Variants in ICOS observed in about 807,000 individuals in gnomAD.
The protein encoded by ICOS is inducible T-cell costimulator.
ICOS carries 15 observed loss-of-function variants against 24.6 expected under a neutral mutation model. The ratio of observed to expected loss-of-function variants is 0.61; its 90% CI spans 0.41 to 0.94. The LOEUF is 0.94. Among genes scored for constraint, ICOS ranks in the 40% least tolerant of loss-of-function variants. The probability of loss-of-function intolerance (pLI) is 0.00; values close to 1 mark genes in which losing one functional copy is unlikely to be tolerated. For missense variants in ICOS, 200 were observed against 233.0 expected (o/e 0.86, Z 0.92); for synonymous variants, 89 against 77.5 (o/e 1.15, Z -0.78).
At position 203,957,854 on chromosome 2, in the gene ICOS, T is replaced by G; in HGVS notation, c.557T>G (p.Val186Gly). 1 of 1,612,770 alleles carries G rather than the reference T, an allele frequency of 6.2e-7. No homozygotes were observed. Among genetic ancestry groups the G allele is most frequent in the Non-Finnish European group, 8.5e-7 (1 of 1,178,898 alleles). The change falls in exon 4 of 5, where the codon GTG becomes GGG. Residue 186 changes from valine (V) to glycine (G), a missense_variant. Transcript: ENST00000316386. ...GGTGAATACATGTTCATGAGAGCAG[T>G]GAACACAGCCAAAAAATCTAGACTC... ...PNGEYMFMRAVNTAKKSRLTD... is the reference protein window; with the variant it reads ...PNGEYMFMRAGNTAKKSRLTD...
At chr2:203,952,399 G>A (rs1690001372) in intron 1 of ICOS, among the ~76,000 whole-genome samples, 1 of 152,154 alleles carries the variant, frequency 6.6e-6, no homozygotes, top group Admixed American at 6.5e-5. Flanking sequence ...TAATTCCACT[G>A]TATCAGGGCT....
intron 1 of ICOS, among the ~76,000 whole-genome samples, chr2:203,947,964 GT>G (rs1206558640): frequency 6.6e-6 from 1 of 152,116 alleles, no homozygotes; most frequent in African/African-American, 2.4e-5. Flanking sequence ...AGGGGTTCTT[GT>G]CCTGGTCATA....
chr2:203,939,771 T>A (rs10932031), intron 1 of ICOS, among the ~76,000 whole-genome samples: 8 of 151,968 alleles, frequency 5.3e-5, no homozygotes, highest in African/African-American at 1.9e-4. Flanking sequence ...ATGACTGACC[T>A]TGGAGCCCCT....
At position 203,959,777 on chromosome 2, in the gene ICOS, G is replaced by A; in HGVS notation, c.*178G>A. 1.4e-6 allele frequency: 1 copy of A among 699,736 alleles called. No homozygotes were observed. The highest frequency in any genetic ancestry group is 2.6e-6 in the Non-Finnish European group (1 of 390,492). 43.3% of individuals were successfully genotyped at this position (699,736 alleles called of 1,614,324 possible). ...CAGTCAATGGGGATTTTAACAGACTGCCTTGGTACTGCCGAGTCCTCTCAA... is the reference window on the plus strand; with the variant it reads ...CAGTCAATGGGGATTTTAACAGACTACCTTGGTACTGCCGAGTCCTCTCAA... On this transcript the variant is annotated 3_prime_UTR_variant, in exon 5 of 5. Coordinates refer to ENST00000316386, the MANE Select transcript of ICOS (RefSeq NM_012092.4).
intron 1 of ICOS, among the ~76,000 whole-genome samples, chr2:203,943,598 G>C (rs1246634972): frequency 6.6e-6 from 1 of 152,152 alleles, no homozygotes; most frequent in African/African-American, 2.4e-5. Flanking sequence ...CTTTAGCTTT[G>C]GTGGTTTAAT....
rs1025185609 is a variant in ICOS, at chr2:203,939,304, T to C, written c.58+2432T>C. Among the ~76,000 whole-genome samples the C allele has an allele frequency of 1.9e-4, 29 of 152,166 alleles. 1 individual carries two copies. Among genetic ancestry groups the C allele is most frequent in the Non-Finnish European group, 2.4e-4 (16 of 68,004 alleles). ...TCACCTTTGTTATTTGGTTGTGAAT[T>C]AAGAAGGATGGGAATCTTGCTGATT... On this transcript the variant is annotated intron_variant, in intron 1 of 4. Transcript: ENST00000316386.
Position 203,936,765 on chromosome 2 carries a change from T to C in ICOS, c.-50T>C. 1.4e-6 allele frequency: 2 copies of C among 1,455,140 alleles called. No individual in the cohort carries two copies. The highest frequency in any genetic ancestry group is 1.1e-5 in the South Asian group (1 of 87,876). The allele number at this position is 1,455,140 out of a possible 1,614,324, so 90.1% of individuals were successfully genotyped here. Reference sequence around the variant, plus strand: ...AAAACAACCGAGAGCCTGAATTCACTGTCAGCTTTGAACACTGAACGCGAG... The same window carrying C: ...AAAACAACCGAGAGCCTGAATTCACCGTCAGCTTTGAACACTGAACGCGAG... On this transcript the variant is annotated 5_prime_UTR_variant, in exon 1 of 5. Coordinates refer to ENST00000316386, the MANE Select transcript of ICOS (RefSeq NM_012092.4).
intron 1 of ICOS, among the ~76,000 whole-genome samples, chr2:203,953,049 A>G (rs1285941184): frequency 1.3e-5 from 2 of 152,200 alleles, no homozygotes; most frequent in African/African-American, 4.8e-5. Context: ...AAGAAAATTC[A>G]AGGATTGAGG....
At chr2:203,944,789 T>A (rs1022087872) in intron 1 of ICOS, among the ~76,000 whole-genome samples, 1 of 152,264 alleles carries the variant, frequency 6.6e-6, no homozygotes, top group South Asian at 2.1e-4. Context: ...CAAAGTATTA[T>A]TGGGAGCATA....
At chr2:203,948,421 G>T (rs1158208451) in intron 1 of ICOS, among the ~76,000 whole-genome samples, 1 of 152,148 alleles carries the variant, frequency 6.6e-6, no homozygotes, top group Non-Finnish European at 1.5e-5. Flanking sequence ...AAGCCCTTTT[G>T]GCTCTTATAT....
chr2:203,946,661 A>T (rs967455218), intron 1 of ICOS, among the ~76,000 whole-genome samples: 2 of 152,194 alleles, frequency 1.3e-5, no homozygotes, highest in African/African-American at 4.8e-5. Flanking sequence ...AGTGGTAGGA[A>T]GTACTTTTTT....
At chr2:203,946,163 A>G (rs1311172254) in intron 1 of ICOS, among the ~76,000 whole-genome samples, 4 of 152,208 alleles carry the variant, frequency 2.6e-5, no homozygotes, top group African/African-American at 9.6e-5. Context: ...TTGTTTGTAA[A>G]TTAATTGCTT....
intron 1 of ICOS, among the ~76,000 whole-genome samples, chr2:203,949,247 C>T (rs1689926786): frequency 6.6e-6 from 1 of 152,214 alleles, no homozygotes; most frequent in Non-Finnish European, 1.5e-5. Context: ...GTTCTTCCTG[C>T]TCACAGATTT....
chr2:203,952,834 C>T (rs2105752324), intron 1 of ICOS, among the ~76,000 whole-genome samples: 1 of 152,170 alleles, frequency 6.6e-6, no homozygotes, highest in Admixed American at 6.5e-5. Context: ...GTATATAAAT[C>T]ATGAGTTTGT....
intron 4 of ICOS, 37 bp downstream of exon 4, chr2:203,957,920 T>C: frequency 1.5e-6 from 2 of 1,300,844 alleles, no homozygotes; most frequent in Non-Finnish European, 2.2e-6. Flanking sequence ...AGGGAAGAGG[T>C]TTCTTCACAG....
intron 1 of ICOS, among the ~76,000 whole-genome samples, chr2:203,945,597 T>G (rs1427365822): frequency 6.6e-6 from 1 of 152,196 alleles, no homozygotes; most frequent in Non-Finnish European, 1.5e-5. Flanking sequence ...GCCTATTGCT[T>G]CTAGGCTACA....
intron 1 of ICOS, among the ~76,000 whole-genome samples, chr2:203,950,798 A>G (rs1190587241): frequency 6.6e-6 from 1 of 152,176 alleles, no homozygotes; most frequent in African/African-American, 2.4e-5. Flanking sequence ...GCGGTGGCTC[A>G]CGCTTATAAT....
At chr2:203,946,690 T>G (rs1689875649) in intron 1 of ICOS, among the ~76,000 whole-genome samples, 1 of 152,194 alleles carries the variant, frequency 6.6e-6, no homozygotes, top group South Asian at 2.1e-4. Flanking sequence ...CCAGAATTTC[T>G]TAGTAAAACA....
rs528939634 is a variant in ICOS at position 203,948,184 on chromosome 2, T to C, written c.59-7452T>C. The stretch of plus-strand genomic sequence containing the variant: ...TAAAGCTCAGACAGATAATTTCCAT[T>C]AGAACATGACATCTCAGTTGGGGTA... On this transcript the variant is annotated intron_variant, in intron 1 of 4. Transcript: ENST00000316386. 7.9e-5 allele frequency among the ~76,000 whole-genome samples: 12 copies of C among 152,324 alleles called. No individual in the cohort carries two copies. In the South Asian group the frequency reaches 2.5e-3, roughly 32 times the overall value.
Sources: allele counts gnomAD v4.1 joint callset (sites outside exome capture counted in the v4.1 genomes callset), GRCh38; gene constraint gnomAD v4.1.1; transcripts MANE v1.5; gene names NCBI Gene and HGNC (gene_info 2026-07-23, HGNC 2026-07-21).